Variants in ZFHX3 observed in about 807,000 individuals in gnomAD.
ZFHX3 encodes zinc finger homeobox 3, also known as zinc finger homeobox protein 3.
Under a neutral mutation model 279.1 loss-of-function variants are expected in ZFHX3, and 42 were observed. The observed-to-expected ratio is 0.15, with a 90% CI of 0.12 to 0.19. ZFHX3 has a LOEUF of 0.19. ZFHX3 is among the 10% of genes least tolerant of loss of function. The pLI is 1.00. For synonymous variants in ZFHX3, 2,293 were observed against 1,957.8 expected (o/e 1.17, Z -4.52); for missense variants, 4,981 against 4,754.0 (o/e 1.05, Z -1.40).
intron 2 of ZFHX3, chr16:73,483,180 T>G: frequency 3.1e-6 from 1 of 327,656 alleles, no homozygotes; most frequent in East Asian, 9.4e-5. Flanking sequence ...CCTCCGAGGG[T>G]GACCCCGGAG....
intron 3 of ZFHX3, among the ~76,000 whole-genome samples, chr16:73,366,500 G>A (rs1404411509): frequency 6.6e-6 from 1 of 151,792 alleles, no homozygotes; most frequent in Non-Finnish European, 1.5e-5. Context: ...GGGAGGCTGA[G>A]GCAGGAGGAT....
At chr16:73,234,464 T>C (rs907790399) in intron 5 of ZFHX3, among the ~76,000 whole-genome samples, 1 of 152,194 alleles carries the variant, frequency 6.6e-6, no homozygotes, top group Non-Finnish European at 1.5e-5. Context: ...AATTCATTAA[T>C]GAGGAGGGAA....
chr16:73,013,346 A>G (rs1398978651), intron 1 of ZFHX3, among the ~76,000 whole-genome samples: 14 of 152,070 alleles, frequency 9.2e-5, no homozygotes, highest in Non-Finnish European at 1.9e-4. Context: ...GGAGTGCAGT[A>G]GTACGATGTT....
At chr16:73,623,535 T>C (rs1161315824) in intron 2 of ZFHX3, among the ~76,000 whole-genome samples, 1 of 152,096 alleles carries the variant, frequency 6.6e-6, no homozygotes, top group Admixed American at 6.5e-5. Flanking sequence ...TCCAGAAAAA[T>C]ACATTGGCAG....
chr16:73,427,420 C>A (rs2143506507), intron 3 of ZFHX3, among the ~76,000 whole-genome samples: 1 of 152,300 alleles, frequency 6.6e-6, no homozygotes, highest in South Asian at 2.1e-4. Flanking sequence ...GTATCGGCAG[C>A]CTGCCTGCCA....
At chr16:73,585,106 A>T (rs1156839233) in intron 2 of ZFHX3, among the ~76,000 whole-genome samples, 1 of 152,220 alleles carries the variant, frequency 6.6e-6, no homozygotes, top group East Asian at 1.9e-4. Flanking sequence ...GAGAGACAGG[A>T]TCACTTTTAC....
intron 1 of ZFHX3, among the ~76,000 whole-genome samples, chr16:73,753,866 G>C (rs956538696): frequency 6.6e-6 from 1 of 152,074 alleles, no homozygotes; most frequent in African/African-American, 2.4e-5. Flanking sequence ...AGATGGACAG[G>C]AATCTCTAAC....
chr16:72,879,786 G>A (rs2144017556), intron 4 of ZFHX3, among the ~76,000 whole-genome samples: 1 of 152,336 alleles, frequency 6.6e-6, no homozygotes, highest in African/African-American at 2.4e-5. Context: ...GCCTGCTGGA[G>A]CACCTTCAGC....
chr16:73,024,560 G>A (rs1417540926), intron 1 of ZFHX3, among the ~76,000 whole-genome samples: 6 of 152,272 alleles, frequency 3.9e-5, no homozygotes, highest in East Asian at 1.9e-4. Flanking sequence ...ACTGGTTCTC[G>A]AGGACTGGGA....
intron 3 of ZFHX3, among the ~76,000 whole-genome samples, chr16:72,916,940 T>C (rs2039456556): frequency 1.3e-5 from 2 of 152,028 alleles, no homozygotes; most frequent in African/African-American, 4.8e-5. Flanking sequence ...AGTTCTAAGC[T>C]TAACAAAGCA....
chr16:73,804,595 T>C (rs1477990765), intron 1 of ZFHX3, among the ~76,000 whole-genome samples: 2 of 152,130 alleles, frequency 1.3e-5, no homozygotes, highest in African/African-American at 4.8e-5. Context: ...TGGAAACTCA[T>C]TTGATATAAT....
chr16:73,267,720 C>G (rs2014018264), intron 4 of ZFHX3, among the ~76,000 whole-genome samples: 1 of 152,160 alleles, frequency 6.6e-6, no homozygotes, highest in African/African-American at 2.4e-5. Context: ...TGGGCTAGAC[C>G]TTGAGGGGAC....
chr16:73,218,075 G>A (rs1423788952), intron 5 of ZFHX3, among the ~76,000 whole-genome samples: 1 of 151,944 alleles, frequency 6.6e-6, no homozygotes, highest in Non-Finnish European at 1.5e-5. Context: ...CAAACCTAAC[G>A]GGCCTTCAGT....
chr16:73,333,011 TG>T (rs2143232545), intron 3 of ZFHX3, among the ~76,000 whole-genome samples: 1 of 152,290 alleles, frequency 6.6e-6, no homozygotes, highest in African/African-American at 2.4e-5. Flanking sequence ...TTCCTTCCCT[TG>T]CTCCTTCCAT....
At chr16:73,031,866 G>A (rs181432316) in intron 1 of ZFHX3, among the ~76,000 whole-genome samples, 7 of 152,256 alleles carry the variant, frequency 4.6e-5, no homozygotes, top group Non-Finnish European at 5.9e-5. Flanking sequence ...GAGTGGGGAA[G>A]GGGGGTGAAG....
At chr16:73,590,436 T>C (rs73602976) in intron 2 of ZFHX3, among the ~76,000 whole-genome samples, 1,711 of 152,236 alleles carry the variant, frequency 0.011, 35 homozygotes, top group African/African-American at 0.038. Context: ...AAAGGCTACA[T>C]CAAAAGCACA....
intron 7 of ZFHX3, among the ~76,000 whole-genome samples, chr16:73,103,605 T>A (rs1966258114): frequency 6.6e-6 from 1 of 152,238 alleles, no homozygotes; most frequent in Admixed American, 6.5e-5. Flanking sequence ...GTCCGTGAAC[T>A]CCTCAGGGGT....
At chr16:73,387,246 T>C (rs186454768) in intron 3 of ZFHX3, 1 of 152,322 alleles carries the variant, frequency 6.6e-6, no homozygotes, top group Admixed American at 6.5e-5. Context: ...CCCAGTGGAT[T>C]TGTGGCAGGT....
chr16:73,088,121 C>G (rs184090494), intron 8 of ZFHX3, among the ~76,000 whole-genome samples: 16 of 150,386 alleles, frequency 1.1e-4, no homozygotes, highest in Admixed American at 4.7e-4. Flanking sequence ...AACCACTGCA[C>G]CTGGCCTAAA....
Sources: allele counts gnomAD v4.1 joint callset (sites outside exome capture counted in the v4.1 genomes callset), GRCh38; gene constraint gnomAD v4.1.1; transcripts MANE v1.5; gene names NCBI Gene and HGNC (gene_info 2026-07-23, HGNC 2026-07-21).